The following AKAP9 variants were observed in gnomAD, a reference collection of about 807,000 sequenced individuals.
AKAP9 encodes A-kinase anchoring protein 9, also known as A-kinase anchor protein 9.
Under a neutral mutation model 488.5 loss-of-function variants are expected in AKAP9, and 311 were observed. The ratio of observed to expected loss-of-function variants is 0.64; its 90% confidence interval spans 0.58 to 0.70. AKAP9 has a LOEUF of 0.70. Among genes scored for constraint, AKAP9 ranks in the 30% least tolerant of loss-of-function variants. The pLI is 0.00. For missense variants in AKAP9, 4,215 were observed against 4,374.5 expected (o/e 0.96, Z 1.03); for synonymous variants, 1,462 against 1,483.5 (o/e 0.99, Z 0.33).
At chr7:91,970,203 C>T (rs1281714450) in intron 1 of AKAP9, among the ~76,000 whole-genome samples, 1 of 152,064 alleles carries the variant, frequency 6.6e-6, no homozygotes, top group Non-Finnish European at 1.5e-5. Flanking sequence ...AAAAAAAACC[C>T]TCTATACTCT....
In AKAP9 at chr7:92,040,811, A is replaced by G; in HGVS notation, c.4830A>G (p.Gln1610=). 2 of 1,614,108 alleles carry G rather than the reference A, an allele frequency of 1.2e-6. No homozygotes were observed. Among genetic ancestry groups the G allele is most frequent in the South Asian group, 2.2e-5 (2 of 91,076 alleles). ...EHQQATELLR[Q]AHMRQMERQR... ...AACAGGCAACGGAATTGTTAAGGCA[A>G]GCACATATGCGGCAAATGGAGAGAC... is the stretch of plus-strand genomic sequence containing the variant. Residue 1610 remains glutamine (Q), a synonymous_variant, in exon 18 of 50, where the codon CAA becomes CAG. Transcript: ENST00000356239.
At position 92,085,562 on chromosome 7, in the gene AKAP9, A is replaced by G. The variant is rs1814393985; in HGVS notation, c.8900A>G (p.Asp2967Gly). The stretch of plus-strand genomic sequence containing the variant: ...TCTCTCACTGAGTCTCCCTATAGTG[A>G]TGGAGAGGACCATTCTATTCAGCAG... The part of the protein sequence containing the change: ...VLSLTESPYS[D>G]GEDHSIQQVS... Residue 2967 changes from aspartate (D) to glycine (G), a missense_variant, in exon 36 of 50, where the codon GAT (aspartate) becomes GGT (glycine). Physicochemically the swap from Asp to Gly is moderately conservative, Grantham distance 94 (BLOSUM62 -1). This residue lies in a region of AKAP9 where 1,476 missense variants were observed against 1,477.4 expected (regional missense o/e 1.00). Coordinates refer to ENST00000356239, the MANE Select transcript of AKAP9 (RefSeq NM_005751.5). 4 of 1,614,040 alleles carry G rather than the reference A, an allele frequency of 2.5e-6. No homozygotes were observed. Among genetic ancestry groups the G allele is most frequent in the African/African-American group, 2.7e-5 (2 of 75,002 alleles).
chr7:92,097,474 G>T, intron 41 of AKAP9, 112 bp from the exon 42 acceptor site: 2 of 1,501,958 alleles, frequency 1.3e-6, no homozygotes, highest in Admixed American at 2.0e-5. Context: ...ACTTAAAAAT[G>T]AAATCTATAG....
In AKAP9 at chr7:92,084,866, G is replaced by A; in HGVS notation, c.8758G>A (p.Gly2920Arg). 6.2e-7 allele frequency: 1 copy of A among 1,613,340 alleles called. No individual in the cohort carries two copies. The highest frequency in any genetic ancestry group is 8.5e-7 in the Non-Finnish European group (1 of 1,179,688). Reference sequence around the variant, plus strand: ...GGGAATTTATCTTACACACAGTCAGGGATTTGACATAGCATCAGAAGGCCG... The same window carrying A: ...GGGAATTTATCTTACACACAGTCAGAGATTTGACATAGCATCAGAAGGCCG... ...GQGIYLTHSQGFDIASEGRGE... is the reference protein window; with the variant it reads ...GQGIYLTHSQRFDIASEGRGE... The change falls in exon 35 of 50, where the codon GGA becomes AGA. Residue 2920 changes from glycine (G) to arginine (R), a missense_variant. Transcript: ENST00000356239.
chr7:92,004,619 G>T (rs952863211), intron 8 of AKAP9, among the ~76,000 whole-genome samples: 1 of 152,084 alleles, frequency 6.6e-6, no homozygotes, highest in Non-Finnish European at 1.5e-5. Flanking sequence ...CTCTCTGTTC[G>T]TCTGTTGTTG....
At chr7:91,970,630 G>A (rs1794953983) in intron 1 of AKAP9, 1 of 380,760 alleles carries the variant, frequency 2.6e-6, no homozygotes, top group South Asian at 2.1e-5. Context: ...TTTTCCTTCA[G>A]CACTTTGAAC....
At position 92,061,410 on chromosome 7, in the gene AKAP9, A is replaced by G. The variant is rs1000673132; in HGVS notation, c.5752A>G (p.Ser1918Gly). 20 of 1,612,654 alleles carry G rather than the reference A, an allele frequency of 1.2e-5. No individual in the cohort carries two copies. The highest frequency in any genetic ancestry group is 1.7e-5 in the Admixed American group (1 of 59,876). ...CAGAGAACAGCTAGCTGTGGAGCTCAGTAAGGCTGAGGGTGAGCAATTTGC... is the reference window on the plus strand; with the variant it reads ...CAGAGAACAGCTAGCTGTGGAGCTCGGTAAGGCTGAGGGTGAGCAATTTGC... ...RAREQLAVEL[S>G]KAEGVIDGYA... The change falls in exon 23 of 50, where the codon AGT (serine) becomes GGT (glycine). Residue 1918 changes from serine to glycine, a missense_variant. By Grantham distance (56) the Ser-to-Gly change is moderately conservative. Coordinates refer to ENST00000356239, the MANE Select transcript of AKAP9 (RefSeq NM_005751.5).
intron 40 of AKAP9, among the ~76,000 whole-genome samples, chr7:92,095,394 T>C (rs1816396317): frequency 2.0e-5 from 3 of 152,214 alleles, no homozygotes; most frequent in African/African-American, 7.2e-5. Context: ...CATCCAAAGA[T>C]GCATATAGAC....
intron 8 of AKAP9, among the ~76,000 whole-genome samples, chr7:92,010,200 A>G (rs908892024): frequency 1.3e-5 from 2 of 152,214 alleles, no homozygotes; most frequent in East Asian, 1.9e-4. Context: ...GGAGGTTTGC[A>G]TAGCTTCAGT....
At chr7:92,049,175 G>A (rs1253058922) in intron 21 of AKAP9, among the ~76,000 whole-genome samples, 1 of 152,118 alleles carries the variant, frequency 6.6e-6, no homozygotes, top group Non-Finnish European at 1.5e-5. Flanking sequence ...TATGTTTTAA[G>A]ACATAAATCC....
chr7:92,092,220 T>G (rs573207415), intron 38 of AKAP9: 8 of 152,336 alleles, frequency 5.3e-5, no homozygotes, highest in African/African-American at 1.9e-4. Context: ...AATTTTCAGT[T>G]TGTTTTTATT....
intron 49 of AKAP9, chr7:92,109,025 A>G (rs1818958324): frequency 3.3e-6 from 1 of 307,272 alleles, no homozygotes; most frequent in Non-Finnish European, 6.2e-6. Flanking sequence ...CAGCCTGGGC[A>G]GCAGAGCGAG....
chr7:92,048,494 A>T (rs1410603490), intron 21 of AKAP9, among the ~76,000 whole-genome samples: 1 of 152,176 alleles, frequency 6.6e-6, no homozygotes, highest in Admixed American at 6.5e-5. Context: ...TGAAAAAAAA[A>T]TTTCCTTTAG....
chr7:92,041,073 AAGAC>A, intron 18 of AKAP9, 175 bp downstream of exon 18: 1 of 586,382 alleles, frequency 1.7e-6, no homozygotes, highest in Non-Finnish European at 3.0e-6. Context: ...ACTCTATACT[AAGAC>A]AGCAGCTTTA....
chr7:92,058,477 A>G (rs547013605), intron 22 of AKAP9: 6 of 406,972 alleles, frequency 1.5e-5, no homozygotes, highest in Non-Finnish European at 2.4e-5. Context: ...TTGAGTGTCT[A>G]TATTAAGGCT....
At chr7:91,945,555 G>A (rs926720456) in intron 1 of AKAP9, among the ~76,000 whole-genome samples, 44 of 152,094 alleles carry the variant, frequency 2.9e-4, no homozygotes, top group African/African-American at 9.9e-4. Context: ...CTGCCCAGTG[G>A]GCTTTAGGGC....
chr7:91,985,787 A>G (rs1796998728), intron 3 of AKAP9, among the ~76,000 whole-genome samples: 2 of 152,132 alleles, frequency 1.3e-5, no homozygotes, highest in African/African-American at 4.8e-5. Flanking sequence ...ACCTGGGACT[A>G]CAGGCGCGTG....
Position 92,080,673 on chromosome 7 carries a change from G to A in AKAP9, c.8019+521G>A, listed in dbSNP as rs1244820197. On this transcript the variant is annotated intron_variant, in intron 31 of 49. Coordinates refer to ENST00000356239, the MANE Select transcript of AKAP9 (RefSeq NM_005751.5). ...TTTATTTGAACAAAAAAGGATTCAC[G>A]TATTGGGTAGCATTCAGAACCAGAG... Among the ~76,000 whole-genome samples, 9 of 152,060 alleles carry A rather than the reference G, an allele frequency of 5.9e-5. 1 individual carries two copies. The East Asian group carries it at 1.2e-3, about 20-fold the overall frequency.
At chr7:92,082,731 C>T (rs1813803238) in intron 32 of AKAP9, 69 bp downstream of exon 32, 5 of 1,531,894 alleles carry the variant, frequency 3.3e-6, no homozygotes, top group African/African-American at 1.4e-5. Flanking sequence ...AAAGTATATA[C>T]TCTTTTATAA....
Sources: allele counts gnomAD v4.1 joint callset (sites outside exome capture counted in the v4.1 genomes callset), GRCh38; gene constraint gnomAD v4.1.1; regional missense constraint gnomAD v4.1.1; transcripts MANE v1.5; gene names NCBI Gene and HGNC (gene_info 2026-07-23, HGNC 2026-07-21).